The following CPNE4 variants were observed in gnomAD, a reference collection of about 807,000 sequenced individuals.
CPNE4 encodes the protein copine-4.
Under a neutral mutation model 67.9 loss-of-function variants are expected in CPNE4, and 25 were observed. That is an observed-to-expected ratio of 0.37 (90% CI 0.27 to 0.51). The LOEUF is 0.51. Among genes scored for constraint, CPNE4 ranks in the 20% least tolerant of loss-of-function variants. The pLI, the probability that CPNE4 is intolerant of heterozygous loss-of-function variation, is 0.93. For synonymous variants in CPNE4, 242 were observed against 244.9 expected (o/e 0.99, Z 0.11); for missense variants, 464 against 690.8 (o/e 0.67, Z 3.68).
At chr3:131,644,178 C>T (rs555321487) in intron 7 of CPNE4, among the ~76,000 whole-genome samples, 2 of 151,492 alleles carry the variant, frequency 1.3e-5, no homozygotes, top group African/African-American at 4.9e-5. Context: ...GATGGAGTCT[C>T]GCTCTGTCAC....
Position 131,953,467 on chromosome 3 carries a change from T to G in CPNE4, c.-1-48023A>C, listed in dbSNP as rs552636614. ...ATGTCAAATGCTTTTCTGGATATGT[T>G]AAAATGATTATATGGTTTTTGTCCT... On this transcript the variant is annotated intron_variant, in intron 1 of 15. Coordinates refer to ENST00000429747, the MANE Select transcript of CPNE4 (RefSeq NM_130808.3). Among the ~76,000 whole-genome samples the G allele has an allele frequency of 5.3e-5, 8 of 152,298 alleles. No individual in the cohort carries two copies. The South Asian group carries it at 1.7e-3, about 32-fold the overall frequency.
At chr3:131,623,468 AAG>A (rs1940583856) in intron 7 of CPNE4, among the ~76,000 whole-genome samples, 3 of 152,210 alleles carry the variant, frequency 2.0e-5, no homozygotes, top group Admixed American at 2.0e-4. Context: ...CAGCAGTCAC[AAG>A]AGAGTTTCTC....
At chr3:131,891,366 T>C (rs574739093) in intron 2 of CPNE4, among the ~76,000 whole-genome samples, 5 of 152,036 alleles carry the variant, frequency 3.3e-5, no homozygotes, top group Non-Finnish European at 7.4e-5. Flanking sequence ...TATTCTATAA[T>C]TGGGATAGTG....
intron 1 of CPNE4, among the ~76,000 whole-genome samples, chr3:131,941,661 T>C (rs2071392817): frequency 6.6e-6 from 1 of 152,130 alleles, no homozygotes; most frequent in South Asian, 2.1e-4. Flanking sequence ...GGCTAAAGAA[T>C]GTTAAAACTT....
intron 2 of CPNE4, among the ~76,000 whole-genome samples, chr3:131,758,130 G>A (rs902395380): frequency 6.6e-6 from 1 of 152,162 alleles, no homozygotes; most frequent in Non-Finnish European, 1.5e-5. Flanking sequence ...ATTGAGAAGA[G>A]GACCACTGTC....
chr3:132,033,075 G>C (rs1049649378), intron 1 of CPNE4, among the ~76,000 whole-genome samples: 3 of 152,268 alleles, frequency 2.0e-5, no homozygotes, highest in Admixed American at 6.5e-5. Flanking sequence ...GGGAATAGAA[G>C]AGTATGGAGA....
intron 1 of CPNE4, among the ~76,000 whole-genome samples, chr3:131,985,571 C>T (rs760667407): frequency 6.6e-6 from 1 of 152,164 alleles, no homozygotes; most frequent in Non-Finnish European, 1.5e-5. Context: ...GATTCAAAAA[C>T]AGGTTTATCT....
chr3:131,901,697 C>T (rs1417412906), intron 2 of CPNE4, among the ~76,000 whole-genome samples: 1 of 151,976 alleles, frequency 6.6e-6, no homozygotes, highest in African/African-American at 2.4e-5. Context: ...AAGAGTCCTC[C>T]GACCATGATC....
In CPNE4 at chr3:131,880,875, A is replaced by G. The variant is rs78169176; in HGVS notation, c.180+24389T>C. Among the ~76,000 whole-genome samples, 658 of 152,368 alleles carry G rather than the reference A, an allele frequency of 4.3e-3. 4 individuals are homozygous for G. The highest frequency in any genetic ancestry group is 0.015 in the African/African-American group (633 of 41,588). ...CGTTATAATAGATTTTTCTTTGCTTAGCCAACAAGTTGGCCCATTGTTAGG... is the reference window on the plus strand; with the variant it reads ...CGTTATAATAGATTTTTCTTTGCTTGGCCAACAAGTTGGCCCATTGTTAGG... On this transcript the variant is annotated intron_variant, in intron 2 of 15. Coordinates refer to ENST00000429747, the MANE Select transcript of CPNE4 (RefSeq NM_130808.3).
intron 1 of CPNE4, among the ~76,000 whole-genome samples, chr3:131,965,404 G>A (rs2072314309): frequency 6.6e-6 from 1 of 152,168 alleles, no homozygotes; most frequent in African/African-American, 2.4e-5. Flanking sequence ...TGGGCTAAAT[G>A]CCCCAATTAA....
chr3:131,900,565 T>A (rs2088515914), intron 2 of CPNE4, among the ~76,000 whole-genome samples: 1 of 152,094 alleles, frequency 6.6e-6, no homozygotes, highest in Non-Finnish European at 1.5e-5. Context: ...CACGACTGTC[T>A]GAGACCCCAG....
intron 2 of CPNE4, among the ~76,000 whole-genome samples, chr3:131,762,315 A>G (rs1460625070): frequency 6.6e-6 from 1 of 152,066 alleles, no homozygotes; most frequent in Non-Finnish European, 1.5e-5. Context: ...TGGTCACTCA[A>G]ATTAATAGCT....
intron 2 of CPNE4, among the ~76,000 whole-genome samples, chr3:131,837,030 C>G (rs2085584708): frequency 6.6e-6 from 1 of 152,126 alleles, no homozygotes; most frequent in South Asian, 2.1e-4. Flanking sequence ...TGAGATACTA[C>G]TACACATCTA....
chr3:131,717,801 C>T lies in CPNE4; in HGVS notation c.360+5645G>A, dbSNP rs561459779. Among the ~76,000 whole-genome samples the T allele has an allele frequency of 9.2e-5, 14 of 152,212 alleles. No homozygotes were observed. In the East Asian group the frequency reaches 2.3e-3, roughly 25 times the overall value. On this transcript the variant is annotated intron_variant, in intron 3 of 15. Coordinates refer to ENST00000429747, the MANE Select transcript of CPNE4 (RefSeq NM_130808.3). Reference sequence around the variant, plus strand: ...CCTAATTGGTTTCCCTGCCATCCACCGTTTATGGGGAATGCCAAAGTGATC... The same window carrying T: ...CCTAATTGGTTTCCCTGCCATCCACTGTTTATGGGGAATGCCAAAGTGATC...
At chr3:131,874,004 T>C (rs1316503657) in intron 2 of CPNE4, among the ~76,000 whole-genome samples, 1 of 152,242 alleles carries the variant, frequency 6.6e-6, no homozygotes, top group Non-Finnish European at 1.5e-5. Flanking sequence ...ATGTGGAATG[T>C]GCCATTTGAA....
At chr3:131,949,702 G>T (rs945352375) in intron 1 of CPNE4, among the ~76,000 whole-genome samples, 4 of 152,124 alleles carry the variant, frequency 2.6e-5, no homozygotes, top group African/African-American at 9.7e-5. Context: ...TTGCAAGGAA[G>T]CATTCCCTGA....
In CPNE4 at chr3:131,645,609, A is replaced by G. The variant is rs549156588; in HGVS notation, c.681+24066T>C. 3.9e-5 allele frequency among the ~76,000 whole-genome samples: 6 copies of G among 152,336 alleles called. No homozygotes were observed. The South Asian group carries it at 1.2e-3, about 32-fold the overall frequency. On this transcript the variant is annotated intron_variant, in intron 7 of 15. Transcript: ENST00000429747. ...AATTTTAAAAGATCCAAAGTTTCAA[A>G]TACAGAGTTTTGATAAAGTAAGCAA...
chr3:131,650,744 CAAAAAAAAAAAAA>C (rs141219633), intron 7 of CPNE4, among the ~76,000 whole-genome samples: 17 of 61,202 alleles, frequency 2.8e-4, no homozygotes, highest in South Asian at 8.5e-4. Flanking sequence ...GACTCCGTCT[CAAAAAAAAAAAAA>C]AAAAAAAAAA....
At chr3:131,844,911 T>C (rs1047665125) in intron 2 of CPNE4, among the ~76,000 whole-genome samples, 1 of 152,206 alleles carries the variant, frequency 6.6e-6, no homozygotes, top group Non-Finnish European at 1.5e-5. Flanking sequence ...CTACGCAAGA[T>C]AATACTCTTC....
Sources: allele counts gnomAD v4.1 joint callset (sites outside exome capture counted in the v4.1 genomes callset), GRCh38; gene constraint gnomAD v4.1.1; transcripts MANE v1.5; gene names NCBI Gene and HGNC (gene_info 2026-07-23, HGNC 2026-07-21).